The following PAQR6 variants were observed in gnomAD, a reference collection of about 807,000 sequenced individuals.
PAQR6 encodes the protein membrane progestin receptor delta.
Under a neutral mutation model 36.2 loss-of-function variants are expected in PAQR6, and 34 were observed. The observed-to-expected ratio is 0.94, with a 90% confidence interval of 0.71 to 1.25. The LOEUF (loss-of-function observed/expected upper bound fraction) is 1.25, where lower values mean the gene tolerates loss of function less well. PAQR6 is among the 50% of genes most tolerant of loss of function. The probability of loss-of-function intolerance (pLI) is 0.00; values close to 1 mark genes in which losing one functional copy is unlikely to be tolerated. For missense variants in PAQR6, 431 were observed against 445.7 expected (o/e 0.97, Z 0.30); for synonymous variants, 190 against 190.7 (o/e 1.00, Z 0.03).
intron 1 of PAQR6, 35 bp from the exon 2 acceptor site, chr1:156,246,791 C>T (rs1236365133): frequency 6.4e-7 from 1 of 1,562,160 alleles, no homozygotes. Context: ...GATCAGATAA[C>T]TGCCCCCATC....
chr1:156,244,956 G>T, intron 6 of PAQR6, 45 bp from the exon 7 acceptor site: 1 of 1,599,160 alleles, frequency 6.3e-7, no homozygotes, highest in Non-Finnish European at 8.5e-7. Flanking sequence ...CTCGGGAGCC[G>T]AAACATGGGG....
In PAQR6 at chr1:156,245,804, G is replaced by A. The variant is rs1217300916; in HGVS notation, c.363C>T (p.Gly121=). The change falls in exon 4 of 8, where the codon GGC becomes GGT. Residue 121 remains glycine, a synonymous_variant. Coordinates refer to ENST00000292291, the MANE Select transcript of PAQR6 (RefSeq NM_198406.3). ...MRHICYFLDY[G]ALSLYSLGCA... ...CACCCAGACTGTAGAGGCTGAGCGC[G>A]CCGTAGTCGAGGAAGTAGCAGATGT... 1.2e-6 allele frequency: 2 copies of A among 1,602,680 alleles called. No individual in the cohort carries two copies. The highest frequency in any genetic ancestry group is 1.7e-6 in the Non-Finnish European group (2 of 1,175,148).
chr1:156,244,448 A>G lies in PAQR6; in HGVS notation c.761-45T>C, dbSNP rs146055710. On this transcript the variant is annotated intron_variant, in intron 7 of 7. Transcript: ENST00000292291. ...GTCAGAGCCACACCTTTCCCAGTGC[A>G]AGTCACCCCATCCTCTGGGCCTGCT... is the stretch of plus-strand genomic sequence containing the variant. The G allele has an allele frequency of 8.4e-4, 1,218 of 1,453,850 alleles. 16 individuals are homozygous for G. The Middle Eastern group carries it at 0.012, about 15-fold the overall frequency. The allele number at this position is 1,453,850 out of a possible 1,614,324, so 90.1% of individuals were successfully genotyped here. A position where few individuals can be genotyped will look rare whatever the true frequency, so the allele number is the denominator to read the frequency against.
At chr1:156,246,815 C>T (rs1660587500) in intron 1 of PAQR6, 59 bp from the exon 2 acceptor site, 2 of 1,435,998 alleles carry the variant, frequency 1.4e-6, no homozygotes, top group Non-Finnish European at 9.6e-7. Context: ...AGGCCCCTTT[C>T]ACCTGGGTTC....
At chr1:156,247,865 T>G (rs572879599) in intron 1 of PAQR6, 92 bp downstream of exon 1, 1 of 385,816 alleles carries the variant, frequency 2.6e-6, no homozygotes, top group South Asian at 2.0e-5. Context: ...GTGGAGTGTG[T>G]GCAGTTGCTA....
chr1:156,247,098 C>T (rs1177198121), intron 1 of PAQR6, among the ~76,000 whole-genome samples: 1 of 152,210 alleles, frequency 6.6e-6, no homozygotes, highest in East Asian at 1.9e-4. Flanking sequence ...AATCCTGACT[C>T]CTGGAGGCCA....
chr1:156,244,366 C>T lies in PAQR6; in HGVS notation c.798G>A (p.Leu266=), dbSNP rs1256896759. 2 of 1,563,422 alleles carry T rather than the reference C, an allele frequency of 1.3e-6. No homozygotes were observed. Among genetic ancestry groups the T allele is most frequent in the African/African-American group, 2.7e-5 (2 of 73,818 alleles). Residue 266 remains leucine, a synonymous_variant, in exon 8 of 8, where the codon CTG becomes CTA. Coordinates refer to ENST00000292291, the MANE Select transcript of PAQR6 (RefSeq NM_198406.3). ...SHQLFHICAV[L]GTHFQLEAVL... Reference sequence around the variant, plus strand: ...CTGCCTCCAGCTGGAAGTGGGTGCCCAGCACTGCACAGATGTGGAATAACT... The same window carrying T: ...CTGCCTCCAGCTGGAAGTGGGTGCCTAGCACTGCACAGATGTGGAATAACT...
chr1:156,244,228 AATG>A lies in PAQR6; in HGVS notation c.933_935del (p.Ile313del). 1 of 1,613,846 alleles carries A rather than the reference AATG, an allele frequency of 6.2e-7. No homozygotes were observed. Among genetic ancestry groups the A allele is most frequent in the Non-Finnish European group, 8.5e-7 (1 of 1,179,962 alleles). On this transcript the variant is annotated inframe_deletion, in exon 8 of 8. Coordinates refer to ENST00000292291, the MANE Select transcript of PAQR6 (RefSeq NM_198406.3). The stretch of plus-strand genomic sequence containing the variant: ...GCAGGGTGGCTGTGAAAGCAGCAAT[AATG>A]AGTAGGTTCCCAGCTGCAGCCAAGA...
chr1:156,247,295 A>G (rs1264597441), intron 1 of PAQR6, among the ~76,000 whole-genome samples: 1 of 152,164 alleles, frequency 6.6e-6, no homozygotes, highest in Non-Finnish European at 1.5e-5. Flanking sequence ...CCCCAGGAGA[A>G]TTTTGGGGTC....
At chr1:156,244,603 A>G in intron 7 of PAQR6, 158 bp downstream of exon 7, 1 of 1,467,210 alleles carries the variant, frequency 6.8e-7, no homozygotes, top group Middle Eastern at 1.9e-4. Flanking sequence ...CAGGTGGAGG[A>G]CCCTTCCAGT....
intron 2 of PAQR6, 144 bp downstream of exon 2, chr1:156,246,537 A>G (rs1660525876): frequency 2.0e-6 from 2 of 1,003,588 alleles, no homozygotes; most frequent in South Asian, 1.7e-5. Flanking sequence ...CTCAGAGAAC[A>G]GAGGAAGAGT....
chr1:156,245,898 G>A lies in PAQR6; in HGVS notation c.269C>T (p.Pro90Leu), dbSNP rs1660372348. ...CGACGCGAAGGGGTAGAGGCAGGCG[G>A]GCAGCAGGAAGACCAGCAGCGGCCA... The part of the protein sequence containing the change: ...YHWPLLVFLL[P>L]ACLYPFASCC... The change falls in exon 4 of 8, where the codon CCC becomes CTC. Residue 90 changes from proline to leucine, a missense_variant. Transcript: ENST00000292291. 1.3e-6 allele frequency: 2 copies of A among 1,584,496 alleles called. No homozygotes were observed. Among genetic ancestry groups the A allele is most frequent in the Non-Finnish European group, 1.7e-6 (2 of 1,166,610 alleles).
intron 5 of PAQR6, 48 bp from the exon 6 acceptor site, chr1:156,245,286 A>AG: frequency 6.5e-7 from 1 of 1,549,146 alleles, no homozygotes; most frequent in Non-Finnish European, 8.9e-7. Context: ...TGCTTGGGGT[A>AG]GGGGTCAGAG....
At position 156,244,326 on chromosome 1, in the gene PAQR6, C is replaced by T. The variant is rs1473866374; in HGVS notation, c.838G>A (p.Gly280Arg). 5 of 1,608,140 alleles carry T rather than the reference C, an allele frequency of 3.1e-6. No individual in the cohort carries two copies. The highest frequency in any genetic ancestry group is 4.2e-6 in the Non-Finnish European group (5 of 1,177,544). ...FQLEAVLADM[G>R]SRRAWLATQE... Reference sequence around the variant, plus strand: ...GTGGCCAGCCAGGCTCTGCGTGATCCCATATCAGCCAGCACTGCCTCCAGC... The same window carrying T: ...GTGGCCAGCCAGGCTCTGCGTGATCTCATATCAGCCAGCACTGCCTCCAGC... Residue 280 changes from glycine to arginine, a missense_variant, in exon 8 of 8, where the codon GGA becomes AGA. Transcript: ENST00000292291.
Position 156,244,877 on chromosome 1 carries a change from C to T in PAQR6, c.644G>A (p.Gly215Glu). The T allele has an allele frequency of 6.2e-7, 1 of 1,613,124 alleles. No individual in the cohort carries two copies. Among genetic ancestry groups the T allele is most frequent in the South Asian group, 1.1e-5 (1 of 91,084 alleles). The change falls in exon 7 of 8, where the codon GGG becomes GAG. Residue 215 changes from glycine (G) to glutamate (E), a missense_variant. Gly to Glu is a moderately conservative substitution (Grantham distance 98, BLOSUM62 -2). Transcript: ENST00000292291. ...ATGGCTGGTGCTCAGGGCCTCCTGC[C>T]CACAGCCGTGGCCCCTGCCCCAGCA... ...GLCWGRGHGC[G>E]QEALSTSHGY...
chr1:156,246,469 G>A (rs1304388417), intron 2 of PAQR6, among the ~76,000 whole-genome samples: 1 of 152,106 alleles, frequency 6.6e-6, no homozygotes, highest in Non-Finnish European at 1.5e-5. Context: ...GGGGTGGAGC[G>A]CAGCACACAG....
Position 156,244,343 on chromosome 1 carries a change from G to C in PAQR6, c.821C>G (p.Ala274Gly), listed in dbSNP as rs1659850467. 1.3e-6 allele frequency: 2 copies of C among 1,592,740 alleles called. No homozygotes were observed. Among genetic ancestry groups the C allele is most frequent in the South Asian group, 2.2e-5 (2 of 88,928 alleles). The stretch of plus-strand genomic sequence containing the variant: ...GCGTGATCCCATATCAGCCAGCACT[G>C]CCTCCAGCTGGAAGTGGGTGCCCAG... ...AVLGTHFQLE[A>G]VLADMGSRRA... Residue 274 changes from alanine to glycine, a missense_variant, in exon 8 of 8, where the codon GCA becomes GGA. Coordinates refer to ENST00000292291, the MANE Select transcript of PAQR6 (RefSeq NM_198406.3).
At position 156,244,344 on chromosome 1, in the gene PAQR6, C is replaced by A. The variant is rs779574829; in HGVS notation, c.820G>T (p.Ala274Ser). 6 of 1,592,792 alleles carry A rather than the reference C, an allele frequency of 3.8e-6. No individual in the cohort carries two copies. In the South Asian group the frequency reaches 5.6e-5, roughly 15 times the overall value. The change falls in exon 8 of 8, where the codon GCA becomes TCA. Residue 274 changes from alanine to serine, a missense_variant. Ala to Ser is a moderately conservative substitution (Grantham distance 99). Coordinates refer to ENST00000292291, the MANE Select transcript of PAQR6 (RefSeq NM_198406.3). ...CGTGATCCCATATCAGCCAGCACTGCCTCCAGCTGGAAGTGGGTGCCCAGC... is the reference window on the plus strand; with the variant it reads ...CGTGATCCCATATCAGCCAGCACTGACTCCAGCTGGAAGTGGGTGCCCAGC... ...AVLGTHFQLE[A>S]VLADMGSRRA...
rs544755995 is a variant in PAQR6, at chr1:156,248,011, G to A, written c.-80C>T. On this transcript the variant is annotated 5_prime_UTR_variant, in exon 1 of 8. Transcript: ENST00000292291. Reference sequence around the variant, plus strand: ...TGGGTCAACAGGCCCAGGGCTCCACGGGCGGAGTCCAAGGCTGCTGCCAGC... The same window carrying A: ...TGGGTCAACAGGCCCAGGGCTCCACAGGCGGAGTCCAAGGCTGCTGCCAGC... The A allele has an allele frequency of 2.6e-4, 120 of 464,272 alleles. No individual in the cohort carries two copies. The highest frequency in any genetic ancestry group is 1.5e-3 in the South Asian group (91 of 62,732). The allele number at this position is 464,272 out of a possible 1,614,324, so 28.8% of individuals were successfully genotyped here.
Sources: gnomAD v4.1 joint callset for allele counts (sites outside exome capture counted in the v4.1 genomes callset) on GRCh38, gnomAD v4.1.1 for gene constraint, MANE v1.5 for transcripts, NCBI Gene and HGNC (gene_info 2026-07-23, HGNC 2026-07-21) for gene names.